The following FRMPD4 variants were observed in gnomAD, a reference collection of about 807,000 sequenced individuals.
FRMPD4 encodes FERM and PDZ domain-containing protein 4.
A neutral mutation model predicts 94.1 loss-of-function variants in FRMPD4; 22 were observed. The observed-to-expected ratio is 0.23, with a 90% confidence interval of 0.17 to 0.33. FRMPD4 has a LOEUF of 0.33. Ranked by LOEUF, FRMPD4 falls within the 10% of genes least tolerant of loss-of-function variation. The pLI is 1.00. For missense variants in FRMPD4, 1,111 were observed against 1,339.9 expected (o/e 0.83, Z 2.67); for synonymous variants, 631 against 548.6 (o/e 1.15, Z -2.10).
intron 1 of FRMPD4, among the ~76,000 whole-genome samples, chrX:12,142,946 C>T (rs1569167770): frequency 8.9e-6 from 1 of 112,100 alleles, no homozygotes; most frequent in Non-Finnish European, 1.9e-5. Flanking sequence ...TTCATTCTCC[C>T]CCTTTACATA....
intron 1 of FRMPD4, among the ~76,000 whole-genome samples, chrX:12,298,326 A>G (rs779376964): frequency 8.0e-5 from 9 of 112,348 alleles, no homozygotes; most frequent in Non-Finnish European, 1.5e-4. Context: ...CATTAAACCA[A>G]TTTTATGAAT....
chrX:12,260,095 T>C (rs2054169203), intron 1 of FRMPD4, among the ~76,000 whole-genome samples: 1 of 111,573 alleles, frequency 9.0e-6, no homozygotes, highest in Non-Finnish European at 1.9e-5. Context: ...TGGCACATCT[T>C]GGATTTAGGT....
At chrX:12,397,294 C>T (rs1336475425) in intron 1 of FRMPD4, among the ~76,000 whole-genome samples, 1 of 110,552 alleles carries the variant, frequency 9.0e-6, no homozygotes, top group Non-Finnish European at 1.9e-5. Context: ...TAAACACATT[C>T]ACATCCCTCA....
At chrX:12,685,162 G>A (rs1456009473) in intron 6 of FRMPD4, among the ~76,000 whole-genome samples, 2 of 111,839 alleles carry the variant, frequency 1.8e-5, no homozygotes, top group Non-Finnish European at 3.8e-5. Context: ...GAAATACTTA[G>A]GGACTGAATT....
chrX:12,108,269 C>T (rs1239643419), intron 3 of FRMPD4, among the ~76,000 whole-genome samples: 1 of 111,734 alleles, frequency 8.9e-6, no homozygotes, highest in Non-Finnish European at 1.9e-5. Flanking sequence ...GGCCAATATT[C>T]AACATTCTTA....
intron 4 of FRMPD4, among the ~76,000 whole-genome samples, chrX:12,654,283 C>T (rs967637648): frequency 5.4e-5 from 6 of 111,496 alleles, no homozygotes; most frequent in Non-Finnish European, 1.1e-4. Context: ...CCTCTTCGGC[C>T]TAATTTTATC....
At chrX:12,076,116 C>T (rs780420321) in intron 3 of FRMPD4, among the ~76,000 whole-genome samples, 3 of 111,381 alleles carry the variant, frequency 2.7e-5, no homozygotes, top group East Asian at 5.6e-4. Flanking sequence ...GGGTAGAGAA[C>T]GAAGAACATT....
chrX:12,166,075 T>A (rs1307232125), intron 1 of FRMPD4, among the ~76,000 whole-genome samples: 1 of 112,061 alleles, frequency 8.9e-6, no homozygotes, highest in Non-Finnish European at 1.9e-5. Flanking sequence ...TGGCCAGTAC[T>A]TCCAACACTA....
At chrX:12,105,557 A>G (rs1239714390) in intron 3 of FRMPD4, among the ~76,000 whole-genome samples, 1 of 112,393 alleles carries the variant, frequency 8.9e-6, no homozygotes, top group Admixed American at 9.4e-5. Context: ...CTTAACCCTC[A>G]TTTCAAACCC....
intron 1 of FRMPD4, among the ~76,000 whole-genome samples, chrX:11,837,222 GA>G (rs762604232): frequency 1.4e-4 from 15 of 110,512 alleles, no homozygotes; most frequent in Non-Finnish European, 2.7e-4. Context: ...TACTGACTAT[GA>G]ATTATATTTT....
At chrX:12,656,810 C>T (rs1181676577) in intron 4 of FRMPD4, among the ~76,000 whole-genome samples, 1 of 111,562 alleles carries the variant, frequency 9.0e-6, no homozygotes, top group African/African-American at 3.3e-5. Flanking sequence ...TTACCTCAGC[C>T]AGGCACAGTG....
intron 1 of FRMPD4, among the ~76,000 whole-genome samples, chrX:12,185,569 C>G (rs907345800): frequency 4.5e-5 from 5 of 111,526 alleles, no homozygotes; most frequent in African/African-American, 1.3e-4. Context: ...CATTTTCCCC[C>G]ACTCCTATCT....
At chrX:12,239,852 G>A (rs991968712) in intron 1 of FRMPD4, among the ~76,000 whole-genome samples, 2 of 111,335 alleles carry the variant, frequency 1.8e-5, no homozygotes, top group East Asian at 2.8e-4. Context: ...AGAGCTCTCC[G>A]GAGTCTCCTT....
At chrX:12,040,086 C>T (rs2054744622) in intron 3 of FRMPD4, among the ~76,000 whole-genome samples, 1 of 110,940 alleles carries the variant, frequency 9.0e-6, no homozygotes. Flanking sequence ...AAGTCTTCTA[C>T]ATCTTTATTG....
intron 1 of FRMPD4, among the ~76,000 whole-genome samples, chrX:12,407,478 A>T (rs2148061184): frequency 8.9e-6 from 1 of 112,090 alleles, no homozygotes; most frequent in African/African-American, 3.2e-5. Flanking sequence ...TCTATCTGCA[A>T]AATAGGCATT....
chrX:11,901,863 T>TG (rs780503256), intron 3 of FRMPD4, among the ~76,000 whole-genome samples: 25 of 112,168 alleles, frequency 2.2e-4, no homozygotes, highest in Non-Finnish European at 3.4e-4. Context: ...ATAGTGAACA[T>TG]TTTTTCATAT....
chrX:12,610,494 C>T (rs952004130), intron 3 of FRMPD4, among the ~76,000 whole-genome samples: 22 of 112,729 alleles, frequency 2.0e-4, no homozygotes, highest in Admixed American at 1.7e-3. Flanking sequence ...ACGCCATAAT[C>T]CCAGCACTTT....
chrX:12,528,157 ATAATCTAGT>A (rs1258941226), intron 2 of FRMPD4, among the ~76,000 whole-genome samples: 1 of 111,494 alleles, frequency 9.0e-6, no homozygotes, highest in African/African-American at 3.3e-5. Context: ...TGCCAGACAC[ATAATCTAGT>A]TAAGGCAAAA....
chrX:12,078,446 CT>C (rs1164017639), intron 3 of FRMPD4, among the ~76,000 whole-genome samples: 1 of 111,841 alleles, frequency 8.9e-6, no homozygotes, highest in Non-Finnish European at 1.9e-5. Flanking sequence ...TTAGCAGAGC[CT>C]CTCAGAATTT....
Sources: gnomAD v4.1 joint callset for allele counts (sites outside exome capture counted in the v4.1 genomes callset) on GRCh38, gnomAD v4.1.1 for gene constraint, MANE v1.5 for transcripts, NCBI Gene and HGNC (gene_info 2026-07-23, HGNC 2026-07-21) for gene names.